Variants in CENPQ observed in about 807,000 individuals in gnomAD.
CENPQ encodes the protein chromosome 6 open reading frame 139.
CENPQ carries 27 observed loss-of-function variants against 36.6 expected under a neutral mutation model. That is an observed-to-expected ratio of 0.74 (90% confidence interval 0.54 to 1.02). The LOEUF (loss-of-function observed/expected upper bound fraction) is 1.02. Among genes scored for constraint, CENPQ ranks in the 50% least tolerant of loss-of-function variants. The pLI, the probability that CENPQ is intolerant of heterozygous loss-of-function variation, is 0.00. For synonymous variants in CENPQ, 101 were observed against 101.7 expected, an observed-to-expected ratio of 0.99 and a Z score of 0.04; for missense variants, 306 against 301.8, an observed-to-expected ratio of 1.01 and a Z score of -0.10.
chr6:49,487,663 A>G (rs1038695207), intron 6 of CENPQ, among the ~76,000 whole-genome samples: 7 of 152,184 alleles, frequency 4.6e-5, no homozygotes, highest in Non-Finnish European at 7.4e-5. Flanking sequence ...GTTATCATTG[A>G]CTGTTGCTAG....
intron 5 of CENPQ, among the ~76,000 whole-genome samples, chr6:49,475,549 A>T (rs1354220671): frequency 6.6e-6 from 1 of 152,224 alleles, no homozygotes; most frequent in Non-Finnish European, 1.5e-5. Context: ...ATCCTATTCA[A>T]CATAGTGTTG....
chr6:49,484,059 C>G (rs540044472), intron 6 of CENPQ, among the ~76,000 whole-genome samples: 14 of 152,208 alleles, frequency 9.2e-5, no homozygotes, highest in Non-Finnish European at 2.1e-4. Context: ...GAGCTTATCA[C>G]TAAATACTGT....
intron 8 of CENPQ, among the ~76,000 whole-genome samples, chr6:49,491,245 G>C (rs1768716566): frequency 6.6e-6 from 1 of 152,162 alleles, no homozygotes; most frequent in Non-Finnish European, 1.5e-5. Context: ...TCATTCGACT[G>C]TATAGTTTGA....
chr6:49,474,128 G>A (rs145428616), intron 5 of CENPQ, among the ~76,000 whole-genome samples: 35 of 152,192 alleles, frequency 2.3e-4, no homozygotes, highest in African/African-American at 6.3e-4. Flanking sequence ...AAATTAACAA[G>A]GATATACAGT....
chr6:49,463,642 G>T (rs1055243789), intron 1 of CENPQ, among the ~76,000 whole-genome samples, 189 bp downstream of exon 1: 70 of 152,228 alleles, frequency 4.6e-4, no homozygotes, highest in African/African-American at 1.7e-3. Context: ...TTGATTAGGG[G>T]GGAGGGAGCA....
intron 1 of CENPQ, among the ~76,000 whole-genome samples, chr6:49,469,034 G>A (rs1029275472): frequency 2.6e-5 from 4 of 152,216 alleles, no homozygotes; most frequent in Non-Finnish European, 4.4e-5. Context: ...TTGTTCAAGA[G>A]CAGGGTAAAG....
At chr6:49,473,982 T>C (rs1040559850) in intron 5 of CENPQ, among the ~76,000 whole-genome samples, 11 of 152,122 alleles carry the variant, frequency 7.2e-5, no homozygotes, top group Non-Finnish European at 1.3e-4. Flanking sequence ...CCTAAACATA[T>C]ATGCACCTAA....
chr6:49,474,812 C>A (rs75778339), intron 5 of CENPQ, among the ~76,000 whole-genome samples: 55,643 of 151,840 alleles, frequency 0.37, 10,418 homozygotes, highest in African/African-American at 0.42. Context: ...CAATAAAAAA[C>A]TGATAAAAGG....
At chr6:49,466,232 C>T (rs565174836) in intron 1 of CENPQ, among the ~76,000 whole-genome samples, 66 of 152,224 alleles carry the variant, frequency 4.3e-4, no homozygotes, top group Non-Finnish European at 8.8e-4. Flanking sequence ...TGCCCTAAAA[C>T]AATTACAGAG....
intron 6 of CENPQ, among the ~76,000 whole-genome samples, chr6:49,484,514 C>A (rs1267764116): frequency 1.3e-5 from 2 of 152,154 alleles, no homozygotes; most frequent in Non-Finnish European, 2.9e-5. Flanking sequence ...GGGACCGTAT[C>A]TCTTAGACAT....
At chr6:49,471,542 G>A (rs1475497342) in intron 3 of CENPQ, among the ~76,000 whole-genome samples, 1 of 151,698 alleles carries the variant, frequency 6.6e-6, no homozygotes, top group African/African-American at 2.4e-5. Context: ...TTTTCCTTTT[G>A]TATGCTTTGC....
intron 1 of CENPQ, among the ~76,000 whole-genome samples, chr6:49,466,206 T>C (rs1413883877): frequency 6.6e-6 from 1 of 152,194 alleles, no homozygotes; most frequent in Non-Finnish European, 1.5e-5. Flanking sequence ...CTGTCTGATA[T>C]TGGCATGGTT....
intron 6 of CENPQ, among the ~76,000 whole-genome samples, chr6:49,484,453 T>A (rs2019540): frequency 0.98 from 149,449 of 152,332 alleles, 73,382 homozygotes; most frequent in East Asian, 1. Context: ...AACAACTAAG[T>A]CAAAGCAACC....
intron 6 of CENPQ, among the ~76,000 whole-genome samples, chr6:49,482,449 T>A (rs1366484036): frequency 1.3e-5 from 2 of 152,162 alleles, no homozygotes; most frequent in Admixed American, 6.5e-5. Flanking sequence ...CCACTCTAGC[T>A]ACTTCCTGCT....
chr6:49,483,925 G>A (rs908683160), intron 6 of CENPQ, among the ~76,000 whole-genome samples: 2 of 152,270 alleles, frequency 1.3e-5, no homozygotes, highest in Admixed American at 1.3e-4. Flanking sequence ...CCAGGCAGAG[G>A]AGGCGCCAGG....
At chr6:49,485,428 T>C (rs906401372) in intron 6 of CENPQ, among the ~76,000 whole-genome samples, 4 of 152,144 alleles carry the variant, frequency 2.6e-5, no homozygotes, top group Admixed American at 1.3e-4. Flanking sequence ...AGCCATAGGA[T>C]TTCAGAATCA....
At chr6:49,479,243 T>A (rs1208615053) in intron 5 of CENPQ, among the ~76,000 whole-genome samples, 1 of 151,938 alleles carries the variant, frequency 6.6e-6, no homozygotes, top group Admixed American at 6.6e-5. Flanking sequence ...CAAACAAAGG[T>A]CTGTATCAAG....
At chr6:49,488,832 G>A (rs2501965) in intron 8 of CENPQ, 148 bp downstream of exon 8, 286,953 of 655,204 alleles carry the variant, frequency 0.44, 65,524 homozygotes, top group Admixed American at 0.67. Flanking sequence ...TTATGTTTAC[G>A]CTATACTGTA....
At chr6:49,469,692 G>A (rs1198668257) in intron 1 of CENPQ, among the ~76,000 whole-genome samples, 2 of 152,192 alleles carry the variant, frequency 1.3e-5, no homozygotes, top group South Asian at 4.2e-4. Context: ...CCTAAAAAGT[G>A]TCTCCTTCCA....
Sources: allele counts gnomAD v4.1 joint callset (sites outside exome capture counted in the v4.1 genomes callset), GRCh38; gene constraint gnomAD v4.1.1; transcripts MANE v1.5; gene names NCBI Gene and HGNC (gene_info 2026-07-23, HGNC 2026-07-21).